Variants in OSBPL10 observed in about 807,000 individuals in gnomAD.
The protein encoded by OSBPL10 is oxysterol binding protein like 10.
A neutral mutation model predicts 81.7 loss-of-function variants in OSBPL10; 49 were observed. That is an observed-to-expected ratio of 0.60 (90% confidence interval 0.48 to 0.76). OSBPL10 has a LOEUF of 0.76. Among genes scored for constraint, OSBPL10 ranks in the 30% least tolerant of loss-of-function variants. OSBPL10 has a pLI of 0.00. For synonymous variants in OSBPL10, 419 were observed against 383.6 expected (o/e 1.09, Z -1.08); for missense variants, 923 against 987.8 (o/e 0.93, Z 0.88).
chr3:32,076,126 T>G (rs995388586), intron 1 of OSBPL10, among the ~76,000 whole-genome samples: 6 of 152,112 alleles, frequency 3.9e-5, no homozygotes, highest in Non-Finnish European at 7.3e-5. Context: ...TCCCAGCACT[T>G]TGGGAGACCG....
At chr3:32,052,246 C>CA (rs112990726) in intron 1 of OSBPL10, among the ~76,000 whole-genome samples, 1,442 of 90,016 alleles carry the variant, frequency 0.016, 11 homozygotes, top group Middle Eastern at 0.054. Context: ...GATCCTGTCA[C>CA]AAAAAAAAAA....
chr3:31,713,332 C>T (rs1020826207), intron 6 of OSBPL10, among the ~76,000 whole-genome samples: 9 of 152,308 alleles, frequency 5.9e-5, no homozygotes, highest in African/African-American at 2.2e-4. Flanking sequence ...TGCACCTGCT[C>T]TTATAGGTCT....
intron 1 of OSBPL10, among the ~76,000 whole-genome samples, chr3:31,976,460 T>C (rs1698698647): frequency 6.6e-6 from 1 of 152,176 alleles, no homozygotes; most frequent in Admixed American, 6.5e-5. Flanking sequence ...CCCAAATAAA[T>C]GTCTACTTTA....
At chr3:32,000,514 A>G (rs902786182) in intron 2 of OSBPL10, among the ~76,000 whole-genome samples, 2 of 152,234 alleles carry the variant, frequency 1.3e-5, no homozygotes, top group African/African-American at 4.8e-5. Context: ...GCTGACTCCC[A>G]TATAAAGGAT....
At chr3:31,977,334 C>A (rs1442001004) in intron 1 of OSBPL10, among the ~76,000 whole-genome samples, 1 of 152,218 alleles carries the variant, frequency 6.6e-6, no homozygotes, top group Non-Finnish European at 1.5e-5. Flanking sequence ...GCATCTCTTT[C>A]CTGGACCACT....
At chr3:32,075,712 T>C (rs1176795292) in intron 1 of OSBPL10, among the ~76,000 whole-genome samples, 1 of 152,108 alleles carries the variant, frequency 6.6e-6, no homozygotes, top group African/African-American at 2.4e-5. Context: ...CCAAAATTTT[T>C]TGCCGCTCCA....
intron 2 of OSBPL10, among the ~76,000 whole-genome samples, chr3:32,039,621 T>C (rs997739374): frequency 1.3e-5 from 2 of 151,786 alleles, no homozygotes; most frequent in Non-Finnish European, 2.9e-5. Flanking sequence ...ATCACGTCAT[T>C]GCACTCCAGC....
chr3:31,987,946 A>G lies in OSBPL10; in HGVS notation n.298+58545T>C, dbSNP rs116661771. 2.0e-3 allele frequency among the ~76,000 whole-genome samples: 311 copies of G among 152,342 alleles called. 1 individual carries two copies. The highest frequency in any genetic ancestry group is 9.4e-3 in the Admixed American group (144 of 15,300). On this transcript the variant is annotated intron_variant and non_coding_transcript_variant, in intron 2 of 3. Transcript: ENST00000479173. ...AACTTGGGTTAGGAAAATGGAGCAA[A>G]CACATATTGCCTTTTGTGATAAGGG...
At chr3:31,841,308 CATTT>C (rs1700491714) in intron 3 of OSBPL10, among the ~76,000 whole-genome samples, 1 of 152,222 alleles carries the variant, frequency 6.6e-6, no homozygotes, top group African/African-American at 2.4e-5. Flanking sequence ...CAACAAGATT[CATTT>C]ACTTATTTTT....
chr3:31,915,622 G>A (rs905559667), intron 1 of OSBPL10, among the ~76,000 whole-genome samples: 1 of 152,130 alleles, frequency 6.6e-6, no homozygotes, highest in African/African-American at 2.4e-5. Flanking sequence ...GGGAAGGAGA[G>A]GGAGCAAGGG....
chr3:31,989,291 TGAA>T (rs1409836253), intron 2 of OSBPL10: 6 of 1,614,174 alleles, frequency 3.7e-6, no homozygotes, highest in Non-Finnish European at 5.1e-6. Flanking sequence ...AAATGCATGA[TGAA>T]GAAGTTCTCA....
At chr3:31,704,302 C>T (rs1362587805) in intron 6 of OSBPL10, 1 of 152,320 alleles carries the variant, frequency 6.6e-6, no homozygotes, top group Non-Finnish European at 1.5e-5. Flanking sequence ...GTCTACGCTA[C>T]GGAAGTCAGA....
chr3:31,783,339 A>T (rs1698753296), intron 4 of OSBPL10, among the ~76,000 whole-genome samples: 1 of 151,874 alleles, frequency 6.6e-6, no homozygotes, highest in Non-Finnish European at 1.5e-5. Flanking sequence ...GATACAATGG[A>T]CTTTGGGAAC....
intron 2 of OSBPL10, among the ~76,000 whole-genome samples, chr3:32,042,284 C>A (rs988879350): frequency 6.6e-6 from 1 of 152,182 alleles, no homozygotes; most frequent in Non-Finnish European, 1.5e-5. Context: ...ACAAGCTTTC[C>A]CTGTTGCACC....
At chr3:31,954,966 C>CTT (rs1421472993) in intron 1 of OSBPL10, among the ~76,000 whole-genome samples, 1 of 152,140 alleles carries the variant, frequency 6.6e-6, no homozygotes, top group African/African-American at 2.4e-5. Flanking sequence ...GTGGTAGATA[C>CTT]TTGTGTGTTT....
At chr3:31,740,704 C>G (rs1697314308) in intron 5 of OSBPL10, among the ~76,000 whole-genome samples, 1 of 151,566 alleles carries the variant, frequency 6.6e-6, no homozygotes, top group Admixed American at 6.6e-5. Flanking sequence ...AAGTTCAAGG[C>G]TAGACTGCAC....
intron 2 of OSBPL10, among the ~76,000 whole-genome samples, chr3:32,031,956 A>G (rs541922135): frequency 1.3e-5 from 2 of 152,356 alleles, no homozygotes; most frequent in Admixed American, 1.3e-4. Context: ...CCAGATATTT[A>G]GGAAAGATGA....
chr3:31,811,032 G>A (rs534991967), intron 4 of OSBPL10, among the ~76,000 whole-genome samples: 34 of 152,184 alleles, frequency 2.2e-4, no homozygotes, highest in African/African-American at 2.4e-4. Context: ...AACCCAAACC[G>A]AAACTAACCA....
chr3:31,761,827 A>AAAAAAAC (rs996116489), intron 4 of OSBPL10, among the ~76,000 whole-genome samples: 6 of 149,434 alleles, frequency 4.0e-5, no homozygotes, highest in Middle Eastern at 3.2e-3. Context: ...AAAAAAAAAA[A>AAAAAAAC]AAAACCCTAA....
Sources: gnomAD v4.1 joint callset for allele counts (sites outside exome capture counted in the v4.1 genomes callset) on GRCh38, gnomAD v4.1.1 for gene constraint, MANE v1.5 for transcripts, NCBI Gene and HGNC (gene_info 2026-07-23, HGNC 2026-07-21) for gene names.